SOX6: variants seen among roughly 807,000 people sequenced by gnomAD.
SOX6 encodes the protein SRY-box transcription factor 6.
SOX6 carries 11 observed loss-of-function variants against 97.8 expected under a neutral mutation model. The observed-to-expected ratio is 0.11, with a 90% CI of 0.07 to 0.19. The LOEUF (loss-of-function observed/expected upper bound fraction) is 0.19. Among genes scored for constraint, SOX6 ranks in the 10% least tolerant of loss-of-function variants. SOX6 has a pLI of 1.00. For missense variants in SOX6, 810 were observed against 1,039.5 expected (o/e 0.78, Z 3.04); for synonymous variants, 360 against 371.4 (o/e 0.97, Z 0.35).
intron 1 of SOX6, among the ~76,000 whole-genome samples, chr11:16,450,987 A>C (rs1460237170): frequency 6.6e-6 from 1 of 152,176 alleles, no homozygotes; most frequent in Non-Finnish European, 1.5e-5. Context: ...TAACCCTAGC[A>C]CTTTGGGAGG....
chr11:16,092,094 G>A (rs1368865669), intron 9 of SOX6, among the ~76,000 whole-genome samples: 1 of 151,888 alleles, frequency 6.6e-6, no homozygotes, highest in East Asian at 1.9e-4. Flanking sequence ...TTATCTCAGG[G>A]CTGACCCAAA....
At chr11:16,453,556 C>T (rs930662878) in intron 1 of SOX6, among the ~76,000 whole-genome samples, 5 of 152,078 alleles carry the variant, frequency 3.3e-5, no homozygotes, top group Non-Finnish European at 7.4e-5. Context: ...GGTTAATCCT[C>T]ATTAAAAACT....
At chr11:15,978,208 C>T (rs1853549342) in intron 15 of SOX6, among the ~76,000 whole-genome samples, 1 of 151,990 alleles carries the variant, frequency 6.6e-6, no homozygotes, top group Non-Finnish European at 1.5e-5. Context: ...CCAGCTCTTG[C>T]TTCATTTCTT....
intron 2 of SOX6, among the ~76,000 whole-genome samples, chr11:16,721,454 C>T (rs1307080503): frequency 6.6e-6 from 1 of 151,058 alleles, no homozygotes; most frequent in African/African-American, 2.4e-5. Flanking sequence ...GACAAGCAGC[C>T]GCCTGAATTT....
intron 4 of SOX6, among the ~76,000 whole-genome samples, chr11:16,488,318 GAGA>G (rs1311665399): frequency 2.0e-5 from 3 of 152,074 alleles, no homozygotes; most frequent in Non-Finnish European, 2.9e-5. Flanking sequence ...AATGTGTAAA[GAGA>G]AGAAAGCAGA....
intron 1 of SOX6, among the ~76,000 whole-genome samples, chr11:16,410,535 T>C (rs933769306): frequency 6.6e-6 from 1 of 151,976 alleles, no homozygotes; most frequent in Non-Finnish European, 1.5e-5. Context: ...GGTGGGAAGA[T>C]TGCTTGAGCC....
intron 12 of SOX6, among the ~76,000 whole-genome samples, chr11:16,038,760 G>A (rs1855580861): frequency 1.3e-5 from 2 of 152,078 alleles, no homozygotes; most frequent in South Asian, 2.1e-4. Flanking sequence ...GGAATAAAGT[G>A]CTGCAAACAA....
At chr11:16,638,173 G>A (rs1848822969) in intron 3 of SOX6, among the ~76,000 whole-genome samples, 1 of 150,724 alleles carries the variant, frequency 6.6e-6, no homozygotes, top group South Asian at 2.1e-4. Flanking sequence ...TTTTGTCCTT[G>A]CGATAGTTTG....
intron 12 of SOX6, among the ~76,000 whole-genome samples, chr11:16,026,992 A>G (rs767727360): frequency 2.6e-5 from 4 of 152,186 alleles, no homozygotes; most frequent in African/African-American, 4.8e-5. Flanking sequence ...GGTTTTCCAA[A>G]GATGTGGGAG....
intron 3 of SOX6, among the ~76,000 whole-genome samples, chr11:16,700,035 C>G (rs1848081529): frequency 6.6e-6 from 1 of 151,856 alleles, no homozygotes; most frequent in African/African-American, 2.4e-5. Flanking sequence ...AATAATCAGA[C>G]ACATGCAAAT....
At chr11:16,038,907 A>G (rs1855584118) in intron 12 of SOX6, among the ~76,000 whole-genome samples, 1 of 152,124 alleles carries the variant, frequency 6.6e-6, no homozygotes, top group Non-Finnish European at 1.5e-5. Context: ...GGAATGTTAT[A>G]GGTACATTCT....
chr11:15,988,980 T>A lies in SOX6; in HGVS notation c.1966+17A>T. 6.2e-7 allele frequency: 1 copy of A among 1,607,220 alleles called. No individual in the cohort carries two copies. The highest frequency in any genetic ancestry group is 8.5e-7 in the Non-Finnish European group (1 of 1,173,648). On this transcript the variant is annotated intron_variant, in intron 14 of 15. Coordinates refer to ENST00000683767, the MANE Select transcript of SOX6 (RefSeq NM_001367873.1). ...TGCAGGGGAGAAGATCAGCTTTAGC[T>A]GCACTGCTGCACTCACCTAAGATTT...
intron 12 of SOX6, 110 bp from the exon 13 acceptor site, chr11:16,015,160 C>T: frequency 3.3e-6 from 3 of 916,534 alleles, no homozygotes; most frequent in Non-Finnish European, 5.2e-6. Context: ...AATATCATTT[C>T]TGACCAATGT....
At chr11:16,575,211 T>C (rs1196070721) in intron 4 of SOX6, among the ~76,000 whole-genome samples, 1 of 152,178 alleles carries the variant, frequency 6.6e-6, no homozygotes, top group East Asian at 1.9e-4. Context: ...CATTTAATAC[T>C]CAGCAGACTG....
intron 5 of SOX6, 87 bp from the exon 6 acceptor site, chr11:16,184,041 T>G (rs1008512632): frequency 5.8e-5 from 68 of 1,173,900 alleles, no homozygotes; most frequent in Non-Finnish European, 8.1e-5. Context: ...ATTACAACAA[T>G]CTTTTACCGC....
At chr11:16,194,806 C>T (rs1316726545) in intron 4 of SOX6, among the ~76,000 whole-genome samples, 2 of 152,210 alleles carry the variant, frequency 1.3e-5, no homozygotes, top group East Asian at 3.9e-4. Flanking sequence ...AGGCTCCCAA[C>T]CTCACAGCTG....
chr11:16,394,364 T>C (rs1858280348), intron 1 of SOX6, among the ~76,000 whole-genome samples: 1 of 151,910 alleles, frequency 6.6e-6, no homozygotes. Context: ...AGACGTTCTA[T>C]AAATCCCCTC....
At chr11:16,429,121 T>C (rs887993188) in intron 1 of SOX6, among the ~76,000 whole-genome samples, 2 of 152,130 alleles carry the variant, frequency 1.3e-5, no homozygotes, top group Non-Finnish European at 2.9e-5. Flanking sequence ...TAAACCACAA[T>C]GAGATACCAT....
chr11:16,143,375 T>G (rs201381302), intron 6 of SOX6, among the ~76,000 whole-genome samples: 1 of 151,984 alleles, frequency 6.6e-6, no homozygotes, highest in African/African-American at 2.4e-5. Flanking sequence ...AAGGAACAAC[T>G]GGTACCAGCC....
Sources: gnomAD v4.1 joint callset for allele counts (sites outside exome capture counted in the v4.1 genomes callset) on GRCh38, gnomAD v4.1.1 for gene constraint, MANE v1.5 for transcripts, NCBI Gene and HGNC (gene_info 2026-07-23, HGNC 2026-07-21) for gene names.